Variants in TSHZ2 observed in about 807,000 individuals in gnomAD.
TSHZ2 encodes teashirt homolog 2.
In TSHZ2, 21 loss-of-function variants were observed where a neutral mutation model predicts 74.4. The observed-to-expected ratio is 0.28, with a 90% CI of 0.20 to 0.41. TSHZ2 has a LOEUF of 0.41. Ranked by LOEUF, TSHZ2 falls within the 10% of genes least tolerant of loss-of-function variation. The pLI is 1.00. For synonymous variants in TSHZ2, 540 were observed against 515.3 expected (o/e 1.05, Z -0.65); for missense variants, 1,244 against 1,293.5 (o/e 0.96, Z 0.59).
At chr20:53,377,795 C>T (rs898215043) in intron 2 of TSHZ2, among the ~76,000 whole-genome samples, 4 of 151,960 alleles carry the variant, frequency 2.6e-5, no homozygotes, top group Admixed American at 1.3e-4. Flanking sequence ...CTCAGCAGGT[C>T]GAGGCTGCCG....
intron 1 of TSHZ2, among the ~76,000 whole-genome samples, chr20:53,252,433 C>T (rs1175163036): frequency 6.6e-6 from 1 of 152,168 alleles, no homozygotes; most frequent in Non-Finnish European, 1.5e-5. Context: ...TTCTTTGGGA[C>T]TTCTTTGGTT....
At chr20:53,133,027 CA>C (rs1217245685) in intron 1 of TSHZ2, among the ~76,000 whole-genome samples, 6 of 152,194 alleles carry the variant, frequency 3.9e-5, no homozygotes, top group African/African-American at 1.4e-4. Context: ...GATTAAGTTA[CA>C]AAAGCAGTAA....
chr20:53,342,187 C>G (rs1393003587), intron 2 of TSHZ2, among the ~76,000 whole-genome samples: 1 of 152,020 alleles, frequency 6.6e-6, no homozygotes, highest in African/African-American at 2.4e-5. Flanking sequence ...TTCAGATTTC[C>G]TTAGTGTTTC....
chr20:53,033,119 T>C (rs1983696706), intron 1 of TSHZ2, among the ~76,000 whole-genome samples: 1 of 152,210 alleles, frequency 6.6e-6, no homozygotes, highest in South Asian at 2.1e-4. Flanking sequence ...AGTAAGTAGA[T>C]GCTATGATTT....
intron 1 of TSHZ2, among the ~76,000 whole-genome samples, chr20:53,148,840 G>T (rs1987606855): frequency 6.6e-6 from 1 of 152,102 alleles, no homozygotes. Flanking sequence ...TGTAAAATGG[G>T]GTAATTTAGG....
At chr20:53,107,992 T>G (rs1008658794) in intron 1 of TSHZ2, among the ~76,000 whole-genome samples, 1 of 152,242 alleles carries the variant, frequency 6.6e-6, no homozygotes, top group African/African-American at 2.4e-5. Flanking sequence ...TCAGAACTTG[T>G]GGAACAATGT....
chr20:53,358,329 C>CTT (rs57906027), intron 2 of TSHZ2, among the ~76,000 whole-genome samples: 21 of 67,050 alleles, frequency 3.1e-4, no homozygotes, highest in African/African-American at 9.1e-4. Flanking sequence ...TTCTGTGGTT[C>CTT]TTTTTTTTTT....
chr20:53,033,097 C>A (rs1041692812), intron 1 of TSHZ2, among the ~76,000 whole-genome samples: 2 of 152,140 alleles, frequency 1.3e-5, no homozygotes, highest in African/African-American at 4.8e-5. Flanking sequence ...CTTGATTAAT[C>A]CAAACAGATT....
rs1398533862 is a variant in TSHZ2, at chr20:53,395,891, G to T, written c.*9-91253G>T. On this transcript the variant is annotated intron_variant, in intron 2 of 2. Coordinates refer to ENST00000371497, the MANE Select transcript of TSHZ2 (RefSeq NM_173485.6). ...TCCAATAGCATGCAACATGACCTTG[G>T]GGTAATGAGATAGACACACATTGGA... Among the ~76,000 whole-genome samples, 6 of 152,288 alleles carry T rather than the reference G, an allele frequency of 3.9e-5. No homozygotes were observed. The East Asian group carries it at 7.7e-4, about 20-fold the overall frequency.
At chr20:53,107,385 G>A (rs1986407212) in intron 1 of TSHZ2, among the ~76,000 whole-genome samples, 1 of 152,174 alleles carries the variant, frequency 6.6e-6, no homozygotes, top group African/African-American at 2.4e-5. Flanking sequence ...GGGCCTCAGA[G>A]GGCTAGTGTG....
intron 2 of TSHZ2, among the ~76,000 whole-genome samples, chr20:53,444,668 G>A (rs184675013): frequency 2.6e-5 from 4 of 152,282 alleles, no homozygotes; most frequent in Non-Finnish European, 4.4e-5. Context: ...TCTTTTCTCC[G>A]TGGACATTCT....
chr20:53,012,631 A>G (rs2123003793), intron 1 of TSHZ2, among the ~76,000 whole-genome samples: 1 of 152,200 alleles, frequency 6.6e-6, no homozygotes, highest in Middle Eastern at 3.4e-3. Flanking sequence ...TTTCTTCAAC[A>G]GGCCCCCTTT....
At chr20:53,470,463 A>G (rs1985762102) in intron 2 of TSHZ2, among the ~76,000 whole-genome samples, 1 of 152,166 alleles carries the variant, frequency 6.6e-6, no homozygotes, top group African/African-American at 2.4e-5. Context: ...CCAGGATTAC[A>G]CCGCTAAGCA....
chr20:53,028,103 T>C (rs1983512487), intron 1 of TSHZ2, among the ~76,000 whole-genome samples: 1 of 152,166 alleles, frequency 6.6e-6, no homozygotes, highest in South Asian at 2.1e-4. Context: ...ATCCAGTCTC[T>C]TCTCTCTGCC....
chr20:53,305,593 A>C (rs961531756), intron 2 of TSHZ2, among the ~76,000 whole-genome samples: 1 of 152,168 alleles, frequency 6.6e-6, no homozygotes, highest in Non-Finnish European at 1.5e-5. Context: ...TCTGGTTTTA[A>C]GTTGGCTACA....
At chr20:53,056,531 T>A (rs1208962290) in intron 1 of TSHZ2, among the ~76,000 whole-genome samples, 2 of 152,180 alleles carry the variant, frequency 1.3e-5, no homozygotes, top group Admixed American at 6.5e-5. Flanking sequence ...ACATTTTGGT[T>A]CCTCCCTATC....
chr20:53,252,791 T>G (rs541976164), intron 1 of TSHZ2, among the ~76,000 whole-genome samples: 2 of 152,218 alleles, frequency 1.3e-5, no homozygotes, highest in African/African-American at 2.4e-5. Flanking sequence ...AATAATAAGA[T>G]AGTCGCCAAA....
chr20:53,214,959 T>TG (rs1989400081), intron 1 of TSHZ2, among the ~76,000 whole-genome samples: 1 of 151,968 alleles, frequency 6.6e-6, no homozygotes, highest in South Asian at 2.1e-4. Flanking sequence ...TAAGAGTTCA[T>TG]GGGGAGATGA....
At chr20:52,987,969 T>G (rs140920788) in intron 1 of TSHZ2, among the ~76,000 whole-genome samples, 1 of 152,192 alleles carries the variant, frequency 6.6e-6, no homozygotes, top group Non-Finnish European at 1.5e-5. Flanking sequence ...TCTACTTTCT[T>G]GTTATCTGTT....
Sources: gnomAD v4.1 joint callset for allele counts (sites outside exome capture counted in the v4.1 genomes callset) on GRCh38, gnomAD v4.1.1 for gene constraint, MANE v1.5 for transcripts, NCBI Gene and HGNC (gene_info 2026-07-23, HGNC 2026-07-21) for gene names.